CERS6: variants seen among roughly 807,000 people sequenced by gnomAD.
CERS6 encodes the protein LAG1 homolog, ceramide synthase 6.
A neutral mutation model predicts 56.8 loss-of-function variants in CERS6; 26 were observed. The observed-to-expected ratio is 0.46, with a 90% confidence interval of 0.34 to 0.63. The LOEUF is 0.63. Among genes scored for constraint, CERS6 ranks in the 30% least tolerant of loss-of-function variants. The pLI, the probability that CERS6 is intolerant of heterozygous loss-of-function variation, is 0.01. For missense variants in CERS6, 415 were observed against 467.5 expected, an observed-to-expected ratio of 0.89 and a Z score of 1.04; for synonymous variants, 164 against 173.3, an observed-to-expected ratio of 0.95 and a Z score of 0.42.
intron 8 of CERS6, among the ~76,000 whole-genome samples, chr2:168,745,055 T>C (rs544095429): frequency 1.3e-5 from 2 of 152,300 alleles, no homozygotes; most frequent in Non-Finnish European, 2.9e-5. Context: ...TTGAACAGGC[T>C]CTTTGAAGCA....
chr2:168,580,459 G>A (rs534924408), intron 3 of CERS6, among the ~76,000 whole-genome samples: 31 of 152,156 alleles, frequency 2.0e-4, no homozygotes, highest in Middle Eastern at 3.4e-3. Flanking sequence ...AAAATCCAAG[G>A]TGTTTAGAGT....
At chr2:168,661,337 G>A (rs1005284891) in intron 4 of CERS6, among the ~76,000 whole-genome samples, 1 of 152,184 alleles carries the variant, frequency 6.6e-6, no homozygotes, top group African/African-American at 2.4e-5. Context: ...TAGACTAGCA[G>A]CTAGAGAATT....
intron 4 of CERS6, among the ~76,000 whole-genome samples, chr2:168,659,171 C>A (rs1318396431): frequency 6.6e-6 from 1 of 152,162 alleles, no homozygotes; most frequent in Non-Finnish European, 1.5e-5. Flanking sequence ...GTATCCCACG[C>A]TTGGTTTGTT....
chr2:168,498,099 T>C (rs1694506490), intron 1 of CERS6, among the ~76,000 whole-genome samples: 1 of 152,176 alleles, frequency 6.6e-6, no homozygotes, highest in Admixed American at 6.5e-5. Flanking sequence ...AACGCTGTTA[T>C]CAGTAAGCTT....
rs914025066 is a variant in CERS6, at chr2:168,456,748, G to C, written c.170+130G>C. The C allele has an allele frequency of 1.2e-6, 1 of 847,104 alleles. No individual in the cohort carries two copies. Among genetic ancestry groups the C allele is most frequent in the African/African-American group, 1.7e-5 (1 of 58,502 alleles). 52.5% of individuals were successfully genotyped at this position (847,104 alleles called of 1,614,324 possible). A position where few individuals can be genotyped will look rare whatever the true frequency, so the allele number is the denominator to read the frequency against. On this transcript the variant is annotated intron_variant, in intron 1 of 9. Transcript: ENST00000305747. The surrounding 1 kb of genome is among the most constrained non-coding windows in gnomAD (Gnocchi z 4.1). ...TCACGCCTCCCAACCTTTGTGTTCG[G>C]GGAGGGGTTGCTGACCCCCCTGCCC... is the stretch of plus-strand genomic sequence containing the variant.
chr2:168,547,839 A>G, intron 2 of CERS6, 138 bp downstream of exon 2: 1 of 644,242 alleles, frequency 1.6e-6, no homozygotes, highest in Non-Finnish European at 2.8e-6. Context: ...GTCAGAAGGA[A>G]TGCAAGCGTA....
At chr2:168,562,361 G>T (rs1050912603) in intron 3 of CERS6, among the ~76,000 whole-genome samples, 23 of 152,178 alleles carry the variant, frequency 1.5e-4, no homozygotes, top group African/African-American at 5.1e-4. Flanking sequence ...TGGGCCCAGG[G>T]GACCGGCACT....
At chr2:168,726,096 C>G (rs1178866222) in intron 8 of CERS6, among the ~76,000 whole-genome samples, 2 of 152,188 alleles carry the variant, frequency 1.3e-5, no homozygotes, top group African/African-American at 2.4e-5. Flanking sequence ...ACAGTGGCTA[C>G]TCAGTATTTG....
At chr2:168,589,323 A>G (rs574739566) in intron 3 of CERS6, among the ~76,000 whole-genome samples, 1 of 152,162 alleles carries the variant, frequency 6.6e-6, no homozygotes, top group African/African-American at 2.4e-5. Flanking sequence ...CTGTTAAATT[A>G]TAAGAGGTAG....
At chr2:168,617,173 C>T (rs1684337600) in intron 3 of CERS6, among the ~76,000 whole-genome samples, 1 of 152,138 alleles carries the variant, frequency 6.6e-6, no homozygotes, top group Admixed American at 6.5e-5. Context: ...TTTAAAAATT[C>T]TTCAAACTGA....
intron 3 of CERS6, among the ~76,000 whole-genome samples, chr2:168,583,986 C>G (rs1683481723): frequency 6.6e-6 from 1 of 152,208 alleles, no homozygotes; most frequent in African/African-American, 2.4e-5. Context: ...AGATCGCTTC[C>G]TTAGTCATCT....
intron 4 of CERS6, among the ~76,000 whole-genome samples, chr2:168,673,245 C>A (rs998810425): frequency 6.6e-6 from 1 of 152,138 alleles, no homozygotes; most frequent in African/African-American, 2.4e-5. Flanking sequence ...CATTGAGAAG[C>A]AATTACTCAC....
At chr2:168,570,355 T>C (rs1574072308) in intron 3 of CERS6, among the ~76,000 whole-genome samples, 1 of 152,210 alleles carries the variant, frequency 6.6e-6, no homozygotes, top group Admixed American at 6.5e-5. Flanking sequence ...TAGGGAGTGA[T>C]GCCCACTGTG....
At chr2:168,463,069 T>C (rs1693805824) in intron 1 of CERS6, among the ~76,000 whole-genome samples, 1 of 152,256 alleles carries the variant, frequency 6.6e-6, no homozygotes, top group Non-Finnish European at 1.5e-5. Context: ...TTTAATCCTC[T>C]GTCAGGCCCT....
chr2:168,517,385 G>A (rs1422521630), intron 1 of CERS6, among the ~76,000 whole-genome samples: 1 of 151,836 alleles, frequency 6.6e-6, no homozygotes, highest in Non-Finnish European at 1.5e-5. Context: ...CCAGCTATTT[G>A]GGAGGCTGAG....
chr2:168,749,198 A>G lies in CERS6; in HGVS notation c.846-16394A>G, dbSNP rs1362961518. Among the ~76,000 whole-genome samples, 5 of 152,160 alleles carry G rather than the reference A, an allele frequency of 3.3e-5. 1 individual carries two copies. The highest frequency in any genetic ancestry group is 2.0e-4 in the Admixed American group (3 of 15,270). ...AGGCATCTTGACAAAGACAGCTCCA[A>G]ACTTGCCAACAAACCCACATTCCAG... On this transcript the variant is annotated intron_variant, in intron 8 of 9. Transcript: ENST00000305747.
intron 4 of CERS6, among the ~76,000 whole-genome samples, chr2:168,677,126 C>T (rs1160817792): frequency 6.6e-6 from 1 of 151,660 alleles, no homozygotes; most frequent in African/African-American, 2.4e-5. Flanking sequence ...CCCATCAACC[C>T]ATCATCTACA....
chr2:168,658,317 T>C (rs537830001), intron 4 of CERS6, among the ~76,000 whole-genome samples: 1 of 150,060 alleles, frequency 6.7e-6, no homozygotes, highest in African/African-American at 2.5e-5. Context: ...AGATTTCGGC[T>C]CCCCGGCCTG....
intron 3 of CERS6, among the ~76,000 whole-genome samples, chr2:168,614,170 T>C (rs185076218): frequency 6.6e-6 from 1 of 152,236 alleles, no homozygotes; most frequent in Non-Finnish European, 1.5e-5. Flanking sequence ...GTCAGAAGTC[T>C]GTGCAACTAC....
Sources: allele counts gnomAD v4.1 joint callset (sites outside exome capture counted in the v4.1 genomes callset), GRCh38; gene constraint gnomAD v4.1.1; non-coding constraint Gnocchi (gnomAD v3.1); transcripts MANE v1.5; gene names NCBI Gene and HGNC (gene_info 2026-07-23, HGNC 2026-07-21).